The following TBC1D14 variants were observed in gnomAD, a reference collection of about 807,000 sequenced individuals.
TBC1D14 encodes the protein TBC1 domain family member 14, also known as TBC1 domain family, member 14.
In TBC1D14, 26 loss-of-function variants were observed where a neutral mutation model predicts 79.0. The observed-to-expected ratio is 0.33, with a 90% CI of 0.24 to 0.46. The LOEUF (loss-of-function observed/expected upper bound fraction) is 0.46, where lower values mean the gene tolerates loss of function less well. TBC1D14 is among the 20% of genes least tolerant of loss of function. The probability of loss-of-function intolerance (pLI) is 1.00; values close to 1 mark genes in which losing one functional copy is unlikely to be tolerated. For missense variants in TBC1D14, 769 were observed against 887.6 expected, an observed-to-expected ratio of 0.87 and a Z score of 1.70; for synonymous variants, 394 against 349.9, an observed-to-expected ratio of 1.13 and a Z score of -1.40.
intron 2 of TBC1D14, among the ~76,000 whole-genome samples, chr4:6,957,959 T>TTTA (rs33914152): frequency 2.0e-5 from 3 of 151,548 alleles, no homozygotes; most frequent in Admixed American, 6.6e-5. Flanking sequence ...TTTTTTTTTT[T>TTTA]ATGGGCTGTT....
intron 2 of TBC1D14, among the ~76,000 whole-genome samples, chr4:6,929,970 A>G (rs541783046): frequency 1.3e-5 from 2 of 152,230 alleles, no homozygotes; most frequent in African/African-American, 4.8e-5. Context: ...TCCAAAGTCC[A>G]TGCTGTTTCT....
At chr4:6,939,259 C>T (rs1159560697) in intron 2 of TBC1D14, among the ~76,000 whole-genome samples, 1 of 152,122 alleles carries the variant, frequency 6.6e-6, no homozygotes, top group South Asian at 2.1e-4. Flanking sequence ...GGCCTGGAGA[C>T]CCCTCCTGGA....
intron 8 of TBC1D14, among the ~76,000 whole-genome samples, chr4:7,005,847 C>G (rs1005805514): frequency 6.6e-6 from 1 of 152,104 alleles, no homozygotes. Flanking sequence ...TGAATACTGG[C>G]TTATAGAGGA....
intron 2 of TBC1D14, among the ~76,000 whole-genome samples, chr4:6,940,703 TGA>T (rs1473248866): frequency 1.3e-5 from 2 of 152,028 alleles, no homozygotes; most frequent in Non-Finnish European, 2.9e-5. Flanking sequence ...TGGTGGAGAT[TGA>T]GAGAGTGCAG....
intron 3 of TBC1D14, among the ~76,000 whole-genome samples, chr4:6,984,839 G>A (rs188276283): frequency 9.8e-5 from 15 of 152,356 alleles, no homozygotes; most frequent in Non-Finnish European, 8.8e-5. Context: ...GTAAGGAGGG[G>A]ACTGTCTGTG....
At chr4:7,014,659 T>C (rs533717086) in intron 12 of TBC1D14, 102 bp downstream of exon 12, 466 of 779,238 alleles carry the variant, frequency 6.0e-4, no homozygotes, top group Non-Finnish European at 8.6e-4. Context: ...TGAGTCCTCA[T>C]ATCCTGCTTT....
intron 1 of TBC1D14, among the ~76,000 whole-genome samples, chr4:6,921,349 C>G (rs540708633): frequency 6.6e-6 from 1 of 151,848 alleles, no homozygotes; most frequent in Non-Finnish European, 1.5e-5. Flanking sequence ...GCTAGGACCA[C>G]AGACGTGCCA....
intron 2 of TBC1D14, among the ~76,000 whole-genome samples, chr4:6,925,361 T>A (rs546425114): frequency 6.6e-6 from 1 of 152,338 alleles, no homozygotes; most frequent in African/African-American, 2.4e-5. Context: ...GGAACATTTC[T>A]GCAGTTGACC....
intron 3 of TBC1D14, among the ~76,000 whole-genome samples, chr4:6,983,399 A>T (rs1717550795): frequency 6.6e-6 from 1 of 152,028 alleles, no homozygotes; most frequent in Non-Finnish European, 1.5e-5. Context: ...ACAGAATCTC[A>T]TGTAACTCCT....
chr4:6,932,093 C>G (rs1711805621), intron 2 of TBC1D14, among the ~76,000 whole-genome samples: 1 of 152,106 alleles, frequency 6.6e-6, no homozygotes, highest in Non-Finnish European at 1.5e-5. Flanking sequence ...AGGCGGGTGG[C>G]TCACGCCTGT....
At chr4:6,948,661 G>A (rs1206491129) in intron 2 of TBC1D14, among the ~76,000 whole-genome samples, 2 of 150,604 alleles carry the variant, frequency 1.3e-5, no homozygotes, top group Non-Finnish European at 3.0e-5. Context: ...GATATTGTCA[G>A]TTTATTTTTC....
chr4:6,969,747 G>C (rs1344835912), intron 3 of TBC1D14, among the ~76,000 whole-genome samples: 1 of 151,708 alleles, frequency 6.6e-6, no homozygotes, highest in Non-Finnish European at 1.5e-5. Context: ...TTATGTTCTT[G>C]ACCTTAGAGG....
chr4:6,968,362 T>C (rs1273011022), intron 3 of TBC1D14, among the ~76,000 whole-genome samples: 2 of 152,274 alleles, frequency 1.3e-5, no homozygotes, highest in East Asian at 3.9e-4. Context: ...TTAATTGCTA[T>C]GGGGATCATG....
In TBC1D14 at chr4:6,998,962, G is replaced by C. The variant is rs1392050169; in HGVS notation, c.1046-123G>C. ...CAGGTGTGAAGTGAGCGCTGGAGCT[G>C]ATGCTCGCTCTGCTTCAGGGCGGTT... On this transcript the variant is annotated intron_variant, in intron 5 of 13. Transcript: ENST00000409757. 15 of 810,418 alleles carry C rather than the reference G, an allele frequency of 1.9e-5. 1 individual carries two copies. The South Asian group carries it at 2.5e-4, about 13-fold the overall frequency. 50.2% of individuals were successfully genotyped at this position (810,418 alleles called of 1,614,324 possible).
intron 3 of TBC1D14, among the ~76,000 whole-genome samples, chr4:6,990,117 A>AC (rs1718336883): frequency 6.6e-6 from 1 of 152,192 alleles, no homozygotes; most frequent in Non-Finnish European, 1.5e-5. Context: ...GACCAATCAA[A>AC]CTGATCTGCT....
intron 3 of TBC1D14, chr4:6,987,370 G>A: frequency 7.0e-7 from 1 of 1,419,130 alleles, no homozygotes; most frequent in Non-Finnish European, 9.3e-7. Context: ...GTGCGGGCCG[G>A]TGCCTCTCCC....
chr4:6,996,659 C>A (rs1719078341), intron 5 of TBC1D14, among the ~76,000 whole-genome samples: 1 of 152,206 alleles, frequency 6.6e-6, no homozygotes, highest in Non-Finnish European at 1.5e-5. Context: ...AGCGGTGAGA[C>A]CGCAGGGTTT....
chr4:6,996,892 A>T (rs1719111159), intron 5 of TBC1D14: 1 of 152,412 alleles, frequency 6.6e-6, no homozygotes, highest in African/African-American at 2.4e-5. Context: ...TCAGCCATCA[A>T]CGACACGTAT....
intron 2 of TBC1D14, among the ~76,000 whole-genome samples, chr4:6,966,089 T>G (rs1715675853): frequency 6.6e-6 from 1 of 152,224 alleles, no homozygotes; most frequent in Non-Finnish European, 1.5e-5. Context: ...CTATATGGGC[T>G]AGTGGATTTC....
Sources: allele counts gnomAD v4.1 joint callset (sites outside exome capture counted in the v4.1 genomes callset), GRCh38; gene constraint gnomAD v4.1.1; transcripts MANE v1.5; gene names NCBI Gene and HGNC (gene_info 2026-07-23, HGNC 2026-07-21).